OTOA: variants seen among roughly 807,000 people sequenced by gnomAD.
OTOA encodes the protein cancer/testis antigen 108.
OTOA carries 70 observed loss-of-function variants against 110.8 expected under a neutral mutation model. The observed-to-expected ratio is 0.63, with a 90% CI of 0.52 to 0.77. The LOEUF (loss-of-function observed/expected upper bound fraction) is 0.77, where lower values mean the gene tolerates loss of function less well. Ranked by LOEUF, OTOA falls within the 30% of genes least tolerant of loss-of-function variation. The pLI is 0.00. For synonymous variants in OTOA, 373 were observed against 431.5 expected, an observed-to-expected ratio of 0.86 and a Z score of 1.68; for missense variants, 917 against 1,075.8, an observed-to-expected ratio of 0.85 and a Z score of 2.06.
chr16:21,715,877 C>G (rs1334015941), intron 14 of OTOA, among the ~76,000 whole-genome samples: 1 of 151,630 alleles, frequency 6.6e-6, no homozygotes, highest in Non-Finnish European at 1.5e-5. Flanking sequence ...TCTGAAAGCC[C>G]TTTTCATGGT....
At chr16:21,714,485 CCT>C (rs759140476) in intron 13 of OTOA, among the ~76,000 whole-genome samples, 7 of 111,746 alleles carry the variant, frequency 6.3e-5, no homozygotes, top group South Asian at 2.8e-4. Flanking sequence ...CTTTCCTCTC[CCT>C]CTCTCTCTCT....
intron 2 of OTOA, 41 bp from the exon 3 acceptor site, chr16:21,678,874 A>G: frequency 6.2e-7 from 1 of 1,608,046 alleles, no homozygotes; most frequent in Non-Finnish European, 8.5e-7. Context: ...TGAAGGTCAC[A>G]CAATTCAATT....
intron 17 of OTOA, among the ~76,000 whole-genome samples, chr16:21,722,021 C>T (rs35432915): frequency 0.15 from 21,728 of 148,254 alleles, 1,938 homozygotes; most frequent in South Asian, 0.27. Context: ...GTTAGGAGTT[C>T]GAAACCAGCC....
rs538900934 is a variant in OTOA at position 21,701,009 on chromosome 16, A to G, written c.962A>G (p.Asn321Ser). The part of the protein sequence containing the change: ...RISSSNFNMR[N>S]TSTIHRLGLL... ...AGCTCCTCCAACTTTAACATGAGGA[A>G]TACCTCCACCATCCACAGGCAAGCG... The change falls in exon 11 of 29, where the codon AAT becomes AGT. Residue 321 changes from asparagine to serine, a missense_variant. Physicochemically the swap from Asn to Ser is conservative, Grantham distance 46. This residue lies in a region of OTOA where 840 missense variants were observed against 910.2 expected (regional missense o/e 0.92). Transcript: ENST00000646100. 1.2e-6 allele frequency: 2 copies of G among 1,614,212 alleles called. No homozygotes were observed. The highest frequency in any genetic ancestry group is 2.2e-5 in the East Asian group (1 of 44,888).
At chr16:21,684,958 G>T (rs376394764) in intron 6 of OTOA, among the ~76,000 whole-genome samples, 1 of 151,914 alleles carries the variant, frequency 6.6e-6, no homozygotes, top group Admixed American at 6.6e-5. Context: ...CACCATGTTG[G>T]CCAGGATGGT....
chr16:21,673,534 T>G (rs1302046635), intron 1 of OTOA, among the ~76,000 whole-genome samples: 1 of 152,214 alleles, frequency 6.6e-6, no homozygotes, highest in African/African-American at 2.4e-5. Flanking sequence ...TCAAGAATGC[T>G]TTATAATTGG....
chr16:21,711,061 C>T (rs910446487), intron 13 of OTOA, among the ~76,000 whole-genome samples: 10 of 152,096 alleles, frequency 6.6e-5, no homozygotes, highest in African/African-American at 1.2e-4. Context: ...AGCATTGCTG[C>T]GAATATTATG....
chr16:21,687,550 C>T lies in OTOA; in HGVS notation c.537C>T (p.Ile179=). 1 of 1,614,080 alleles carries T rather than the reference C, an allele frequency of 6.2e-7. No individual in the cohort carries two copies. Residue 179 remains isoleucine (I), a synonymous_variant, in exon 8 of 29, where the codon ATC becomes ATT. Transcript: ENST00000646100. ...TGAACTCCCTGGAGTGTGTGGAGAT[C>T]CTGGGCAAGGTGCTGAGGGGGTCCT... ...QMLNSLECVE[I]LGKVLRGSSG...
At chr16:21,730,525 C>G (rs1390271596) in intron 20 of OTOA, 2 of 365,942 alleles carry the variant, frequency 5.5e-6, no homozygotes, top group Non-Finnish European at 1.1e-5. Flanking sequence ...TCCCATCCCT[C>G]AGCTCTGTGT....
At chr16:21,681,112 C>T (rs940647708) in intron 5 of OTOA, among the ~76,000 whole-genome samples, 29 of 152,108 alleles carry the variant, frequency 1.9e-4, no homozygotes, top group African/African-American at 6.5e-4. Flanking sequence ...GTGTACCTAG[C>T]GTCTGCTTTT....
intron 20 of OTOA, among the ~76,000 whole-genome samples, chr16:21,728,655 C>T (rs1899008244): frequency 6.6e-6 from 1 of 151,598 alleles, no homozygotes; most frequent in Non-Finnish European, 1.5e-5. Flanking sequence ...GTGGCACGAC[C>T]TTGGCTCACT....
rs1897830131 is a variant in OTOA, at chr16:21,691,581, T to C, written c.636-3T>C. ...AGCTGATGCCTGTGTTTGTGTCATT[T>C]AGATCTGCAGTGTTCAAAGATCTCT... is the stretch of plus-strand genomic sequence containing the variant. On this transcript the variant is annotated splice_polypyrimidine_tract_variant and splice_region_variant and intron_variant, in intron 8 of 28. Transcript: ENST00000646100. The C allele has an allele frequency of 5.6e-6, 9 of 1,611,112 alleles. No homozygotes were observed. The South Asian group carries it at 9.9e-5, about 18-fold the overall frequency.
chr16:21,672,280 G>A (rs1319529539), intron 1 of OTOA, among the ~76,000 whole-genome samples: 1 of 151,998 alleles, frequency 6.6e-6, no homozygotes, highest in Non-Finnish European at 1.5e-5. Context: ...TATAATATGG[G>A]TTTTTTCCCT....
intron 17 of OTOA, 130 bp from the exon 18 acceptor site, chr16:21,722,775 A>G (rs1367912458): frequency 1.3e-6 from 1 of 785,658 alleles, no homozygotes; most frequent in Admixed American, 2.0e-5. Context: ...AGTGGTACTT[A>G]CATCATAGGG....
At position 21,717,938 on chromosome 16, in the gene OTOA, A is replaced by G. The variant is rs114626101; in HGVS notation, c.1629+891A>G. 4.9e-3 allele frequency among the ~76,000 whole-genome samples: 740 copies of G among 152,256 alleles called. 11 individuals are homozygous for G. The highest frequency in any genetic ancestry group is 0.017 in the African/African-American group (706 of 41,560). On this transcript the variant is annotated intron_variant, in intron 15 of 28. Transcript: ENST00000646100. The stretch of plus-strand genomic sequence containing the variant: ...ACAAACCACCTCTAAATTTAGTGAC[A>G]GTGGCAACCGTTTTATTTTATTCTG...
intron 1 of OTOA, among the ~76,000 whole-genome samples, chr16:21,674,748 A>G (rs1413485723): frequency 2.7e-5 from 4 of 149,752 alleles, no homozygotes; most frequent in Admixed American, 2.7e-4. Context: ...CCATGTGTTT[A>G]TTTGCTATCT....
chr16:21,680,184 TATCCATCC>T (rs60446298), intron 5 of OTOA, among the ~76,000 whole-genome samples: 10 of 150,176 alleles, frequency 6.7e-5, no homozygotes, highest in East Asian at 2.0e-4. Flanking sequence ...TTTATTAATT[TATCCATCC>T]ATCCATCCAT....
chr16:21,728,208 G>A, intron 19 of OTOA, 33 bp from the exon 20 acceptor site: 1 of 1,613,414 alleles, frequency 6.2e-7, no homozygotes, highest in Non-Finnish European at 8.5e-7. Flanking sequence ...TGCTCTGTTG[G>A]AACTGCCCAT....
Position 21,714,022 on chromosome 16 carries a change from G to A in OTOA, c.1321-963G>A, listed in dbSNP as rs117170148. Among the ~76,000 whole-genome samples the A allele has an allele frequency of 1.1e-3, 161 of 152,192 alleles. 1 individual carries two copies. The highest frequency in any genetic ancestry group is 3.4e-3 in the African/African-American group (142 of 41,534). On this transcript the variant is annotated intron_variant, in intron 13 of 28. Coordinates refer to ENST00000646100, the MANE Select transcript of OTOA (RefSeq NM_144672.4). Reference sequence around the variant, plus strand: ...GCCACTTTTACTCAGAAGGCAAGAGGTCAAAAGGTCTTGCCTTCTTTGAAG... The same window carrying A: ...GCCACTTTTACTCAGAAGGCAAGAGATCAAAAGGTCTTGCCTTCTTTGAAG...
Sources: gnomAD v4.1 joint callset for allele counts (sites outside exome capture counted in the v4.1 genomes callset) on GRCh38, gnomAD v4.1.1 for gene constraint, gnomAD v4.1.1 regional missense constraint, MANE v1.5 for transcripts, NCBI Gene and HGNC (gene_info 2026-07-23, HGNC 2026-07-21) for gene names.